Variants in PCID2 observed in about 807,000 individuals in gnomAD.
PCID2 encodes the protein PCI domain-containing protein 2.
PCID2 carries 41 observed loss-of-function variants against 61.3 expected under a neutral mutation model. The observed-to-expected ratio is 0.67, with a 90% CI of 0.52 to 0.87. The LOEUF (loss-of-function observed/expected upper bound fraction) is 0.87, where lower values mean the gene tolerates loss of function less well. Ranked by LOEUF, PCID2 falls within the 40% of genes least tolerant of loss-of-function variation. The pLI, the probability that PCID2 is intolerant of heterozygous loss-of-function variation, is 0.00. For synonymous variants in PCID2, 187 were observed against 177.8 expected (o/e 1.05, Z -0.41); for missense variants, 392 against 493.4 (o/e 0.79, Z 1.95).
chr13:113,178,607 T>G lies in PCID2; in HGVS notation c.1111-320A>C, dbSNP rs532430296. On this transcript the variant is annotated intron_variant, in intron 13 of 13. Coordinates refer to ENST00000337344, the MANE Select transcript of PCID2 (RefSeq NM_001127202.4). The stretch of plus-strand genomic sequence containing the variant: ...CAACAGCTATCTACAGTGCACTGAG[T>G]ATTTTAAGTAACCTAGAGATAATTT... The G allele has an allele frequency of 5.8e-4, 204 of 353,522 alleles. 1 individual carries two copies. The Middle Eastern group carries it at 6.4e-3, about 11-fold the overall frequency. The allele number at this position is 353,522 out of a possible 1,614,324, so 21.9% of individuals were successfully genotyped here. A position where few individuals can be genotyped will look rare whatever the true frequency, so the allele number is the denominator to read the frequency against.
At chr13:113,167,288 C>T in the PCID2 span, among the ~76,000 whole-genome samples, 2 of 152,290 alleles carry the variant, frequency 1.3e-5, no homozygotes, top group Non-Finnish European at 2.9e-5. Context: ...TTACAGATAA[C>T]GTTCTTGACT....
At chr13:113,166,697 T>C in the PCID2 span, among the ~76,000 whole-genome samples, 3 of 152,240 alleles carry the variant, frequency 2.0e-5, no homozygotes, top group Non-Finnish European at 4.4e-5. Flanking sequence ...TTTATCACTT[T>C]TCCTGCCCAA....
At chr13:113,194,324 T>C (rs910145132) in intron 6 of PCID2, among the ~76,000 whole-genome samples, 5 of 152,184 alleles carry the variant, frequency 3.3e-5, no homozygotes, top group Non-Finnish European at 5.9e-5. Flanking sequence ...TTTTTGTCTC[T>C]GCCTGATGGT....
intron 7 of PCID2, chr13:113,186,701 G>C (rs2038143363): frequency 6.6e-6 from 1 of 152,262 alleles, no homozygotes; most frequent in African/African-American, 2.4e-5. Context: ...TTCCCACTGT[G>C]TTCCAGCTGC....
At chr13:113,191,077 C>G in intron 6 of PCID2, 102 bp from the exon 7 acceptor site, 1 of 698,802 alleles carries the variant, frequency 1.4e-6, no homozygotes, top group South Asian at 2.0e-5. Context: ...ACTGCAGCCT[C>G]AACCTCCTGG....
At chr13:113,173,320 G>A (rs2037145703), downstream of PCID2, among the ~76,000 whole-genome samples, 1 of 152,212 alleles carries the variant, frequency 6.6e-6, no homozygotes, top group South Asian at 2.1e-4. Flanking sequence ...CTTGGAGACT[G>A]GAGCTCCTAG....
At chr13:113,199,246 T>C (rs914818822) in intron 2 of PCID2, among the ~76,000 whole-genome samples, 2 of 152,160 alleles carry the variant, frequency 1.3e-5, no homozygotes, top group African/African-American at 4.8e-5. Context: ...TGATGAGGGC[T>C]TGAATAGAAC....
At chr13:113,183,997 A>G in intron 9 of PCID2, 2 of 985,314 alleles carry the variant, frequency 2.0e-6, no homozygotes, top group South Asian at 9.4e-5. Flanking sequence ...TGTTGTCCTA[A>G]TCTCCATTTC....
intron 1 of PCID2, 185 bp downstream of exon 1, chr13:113,208,414 C>T: frequency 6.7e-7 from 1 of 1,483,994 alleles, no homozygotes; most frequent in South Asian, 1.3e-5. Flanking sequence ...CAGGGGAGAA[C>T]TCGGGCCGCC....
rs1282697434 is a variant in PCID2, at chr13:113,184,491, T to C, written c.544-4A>G. 2 of 1,542,884 alleles carry C rather than the reference T, an allele frequency of 1.3e-6. No homozygotes were observed. Among genetic ancestry groups the C allele is most frequent in the Non-Finnish European group, 1.8e-6 (2 of 1,116,574 alleles). ...TACATAAATGGAGTTTGTTGATCTA[T>C]AATGAATAACAATCCATTTAAAATA... is the stretch of plus-strand genomic sequence containing the variant. On this transcript the variant is annotated splice_polypyrimidine_tract_variant and splice_region_variant and intron_variant, in intron 8 of 13. Transcript: ENST00000337344.
chr13:113,185,415 T>C (rs2038022146), intron 8 of PCID2, 70 bp downstream of exon 8: 2 of 1,021,656 alleles, frequency 2.0e-6, no homozygotes, highest in African/African-American at 1.6e-5. Context: ...AGCTGATATA[T>C]ATATGATATG....
chr13:113,191,146 T>C (rs937610863), intron 6 of PCID2, among the ~76,000 whole-genome samples, 171 bp from the exon 7 acceptor site: 1 of 152,190 alleles, frequency 6.6e-6, no homozygotes, highest in African/African-American at 2.4e-5. Context: ...AACCAGGTAC[T>C]ACCATGCCTG....
intron 10 of PCID2, 141 bp downstream of exon 10, chr13:113,180,989 C>A (rs572658283): frequency 3.3e-6 from 2 of 603,406 alleles, no homozygotes; most frequent in South Asian, 4.1e-5. Context: ...AATGCATGCG[C>A]CTTCTTTATT....
chr13:113,169,427 AT>A, the PCID2 span, among the ~76,000 whole-genome samples: 1 of 151,984 alleles, frequency 6.6e-6, no homozygotes, highest in Non-Finnish European at 1.5e-5. Flanking sequence ...GTTTTGGGAT[AT>A]TTTTCTTCTC....
At chr13:113,201,581 G>A (rs1050456908) in intron 1 of PCID2, among the ~76,000 whole-genome samples, 2 of 152,092 alleles carry the variant, frequency 1.3e-5, no homozygotes, top group Admixed American at 1.3e-4. Flanking sequence ...GGAGGCCGAG[G>A]CGGGCAGATC....
chr13:113,166,005 A>G, the PCID2 span: 12 of 152,220 alleles, frequency 7.9e-5, no homozygotes, highest in Admixed American at 7.9e-4. Flanking sequence ...TATCTTCACA[A>G]AATAGATATT....
At chr13:113,204,303 C>A (rs1366102992) in intron 1 of PCID2, among the ~76,000 whole-genome samples, 1 of 152,216 alleles carries the variant, frequency 6.6e-6, no homozygotes, top group East Asian at 1.9e-4. Flanking sequence ...GCAGAAGGAA[C>A]CTATGAGTGA....
chr13:113,208,608 G>C lies in PCID2; in HGVS notation c.27C>G (p.Tyr9Ter). 1.2e-6 allele frequency: 2 copies of C among 1,607,926 alleles called. No homozygotes were observed. The highest frequency in any genetic ancestry group is 1.7e-6 in the Non-Finnish European group (2 of 1,177,684). The change falls in exon 1 of 14, where the codon TAC becomes TAG. Residue 9 changes from tyrosine to a stop codon, truncating the protein, a stop_gained. Transcript: ENST00000337344. LOFTEE classifies it high-confidence loss of function. MAHITINQ[Y>*]LQQVYEAIDS... ...CCCGGCTAGGACCCACCTGCTGCAG[G>C]TACTGGTTAATGGTAATGTGCGCCA...
At chr13:113,187,811 C>T (rs2038251244) in intron 7 of PCID2, 1 of 152,006 alleles carries the variant, frequency 6.6e-6, no homozygotes, top group South Asian at 2.1e-4. Flanking sequence ...TGAGAATGTC[C>T]TTTGAAGTCT....
Sources: allele counts gnomAD v4.1 joint callset (sites outside exome capture counted in the v4.1 genomes callset), GRCh38; gene constraint gnomAD v4.1.1; transcripts MANE v1.5; gene names NCBI Gene and HGNC (gene_info 2026-07-23, HGNC 2026-07-21).